The following SEM1 variants were observed in gnomAD, a reference collection of about 807,000 sequenced individuals.
The protein encoded by SEM1 is SEM1 26S proteasome subunit, also known as 26S proteasome complex subunit SEM1.
Under a neutral mutation model 12.7 loss-of-function variants are expected in SEM1, and 3 were observed. That is an observed-to-expected ratio of 0.24 (90% CI 0.11 to 0.61). The LOEUF is 0.61. Among genes scored for constraint, SEM1 ranks in the 20% least tolerant of loss-of-function variants. The probability of loss-of-function intolerance (pLI) is 0.88; values close to 1 mark genes in which losing one functional copy is unlikely to be tolerated. For missense variants in SEM1, 59 were observed against 81.3 expected (o/e 0.73, Z 1.06); for synonymous variants, 30 against 27.8 (o/e 1.08, Z -0.25).
intron 2 of SEM1, among the ~76,000 whole-genome samples, chr7:96,682,034 ATTTG>A (rs1340884280): frequency 6.6e-6 from 1 of 152,042 alleles, no homozygotes; most frequent in East Asian, 1.9e-4. Flanking sequence ...ATGTTTTTCC[ATTTG>A]TTTGTGTCCT....
intron 2 of SEM1, among the ~76,000 whole-genome samples, chr7:96,560,119 TATAA>T: frequency 6.6e-6 from 1 of 152,014 alleles, no homozygotes; most frequent in African/African-American, 2.4e-5. Context: ...AGATTCCTAT[TATAA>T]ATAGTTCCGC....
intron 2 of SEM1, among the ~76,000 whole-genome samples, chr7:96,571,383 A>C (rs1189877852): frequency 6.6e-6 from 1 of 151,942 alleles, no homozygotes; most frequent in Non-Finnish European, 1.5e-5. Context: ...TTTTTGTATA[A>C]TGTGTATGGA....
Position 96,583,153 on chromosome 7 carries a change from G to A in SEM1, c.171-76455C>T, listed in dbSNP as rs1252000718. Among the ~76,000 whole-genome samples, 58 of 150,958 alleles carry A rather than the reference G, an allele frequency of 3.8e-4. 1 individual carries two copies. Among genetic ancestry groups the A allele is most frequent in the South Asian group, 1.3e-3 (6 of 4,660 alleles). ...TACACACTGCTTTGAATGCGTCCCAGAGATTCTGGTATGTTGTGTCTTTGT... is the reference window on the plus strand; with the variant it reads ...TACACACTGCTTTGAATGCGTCCCAAAGATTCTGGTATGTTGTGTCTTTGT... On this transcript the variant is annotated intron_variant and NMD_transcript_variant, in intron 2 of 3. Coordinates refer to the SEM1 transcript ENST00000466986.
chr7:96,707,628 A>G (rs1215598275), intron 1 of SEM1, among the ~76,000 whole-genome samples: 1 of 151,498 alleles, frequency 6.6e-6, no homozygotes, highest in Non-Finnish European at 1.5e-5. Flanking sequence ...AGAAAGAATA[A>G]TTTTTTTTTG....
At chr7:96,631,907 A>G (rs1020862561) in intron 2 of SEM1, among the ~76,000 whole-genome samples, 1 of 152,226 alleles carries the variant, frequency 6.6e-6, no homozygotes, top group Non-Finnish European at 1.5e-5. Flanking sequence ...ATGAACAGAC[A>G]CTTCTCAAAA....
chr7:96,650,632 C>A, intron 2 of SEM1: 6 of 645,164 alleles, frequency 9.3e-6, no homozygotes, highest in South Asian at 7.1e-5. Flanking sequence ...TAAATGAAAC[C>A]CCCCAAGTTC....
chr7:96,573,528 C>T (rs1806107570), intron 2 of SEM1, among the ~76,000 whole-genome samples: 1 of 152,126 alleles, frequency 6.6e-6, no homozygotes, highest in South Asian at 2.1e-4. Context: ...ACTTATGAAA[C>T]TTAGTTTGGC....
chr7:96,560,112 T>C (rs1563060855), intron 2 of SEM1, among the ~76,000 whole-genome samples: 2 of 152,218 alleles, frequency 1.3e-5, no homozygotes, highest in African/African-American at 4.8e-5. Context: ...TTGCTTCAGA[T>C]TCCTATTATA....
At chr7:96,702,841 C>T (rs960635215) in intron 1 of SEM1, among the ~76,000 whole-genome samples, 3 of 152,116 alleles carry the variant, frequency 2.0e-5, no homozygotes, top group Non-Finnish European at 4.4e-5. Flanking sequence ...AACAGAGCAC[C>T]AGGACTACAA....
intron 2 of SEM1, among the ~76,000 whole-genome samples, chr7:96,624,578 A>T (rs1807999393): frequency 6.6e-6 from 1 of 152,204 alleles, no homozygotes; most frequent in African/African-American, 2.4e-5. Context: ...TATGAGAATG[A>T]AATGAAATAA....
rs139954888 is a variant in SEM1, at chr7:96,674,246, T to C, written c.171-387A>G. ...CACCACAGATCTATAATTATGGTCA[T>C]CTAGGCTTTACTTACCAACAAAATA... On this transcript the variant is annotated intron_variant, in intron 2 of 2. Transcript: ENST00000413065. 5.4e-3 allele frequency among the ~76,000 whole-genome samples: 826 copies of C among 152,314 alleles called. 5 individuals are homozygous for C. The highest frequency in any genetic ancestry group is 0.019 in the African/African-American group (770 of 41,558).
chr7:96,589,003 T>C (rs574545551), intron 2 of SEM1, among the ~76,000 whole-genome samples: 83 of 152,332 alleles, frequency 5.4e-4, no homozygotes, highest in African/African-American at 1.9e-3. Flanking sequence ...AACTACAGTA[T>C]TTTTCTAATG....
chr7:96,680,649 A>C (rs1278207005), intron 2 of SEM1, among the ~76,000 whole-genome samples: 2 of 152,114 alleles, frequency 1.3e-5, no homozygotes, highest in Non-Finnish European at 1.5e-5. Context: ...GGTAACAAAG[A>C]GGGTAGGAGT....
chr7:96,581,035 G>A (rs1806383044), intron 2 of SEM1, among the ~76,000 whole-genome samples: 1 of 152,190 alleles, frequency 6.6e-6, no homozygotes, highest in Non-Finnish European at 1.5e-5. Flanking sequence ...TAGACATGAA[G>A]TCCTTGCCCA....
intron 1 of SEM1, among the ~76,000 whole-genome samples, chr7:96,701,674 GA>G (rs1563119982): frequency 6.6e-6 from 1 of 151,914 alleles, no homozygotes; most frequent in Non-Finnish European, 1.5e-5. Flanking sequence ...TAACAGCTCA[GA>G]GAAAAACATA....
At chr7:96,615,007 A>C (rs1403432018) in intron 2 of SEM1, among the ~76,000 whole-genome samples, 2 of 152,152 alleles carry the variant, frequency 1.3e-5, no homozygotes, top group Admixed American at 6.5e-5. Flanking sequence ...TTTTGTAAGT[A>C]AAGGATTGTA....
intron 2 of SEM1, among the ~76,000 whole-genome samples, chr7:96,660,742 C>T (rs988435559): frequency 6.6e-6 from 1 of 151,970 alleles, no homozygotes; most frequent in Non-Finnish European, 1.5e-5. Flanking sequence ...TAAGGAAATC[C>T]ATATTCAACA....
intron 2 of SEM1, among the ~76,000 whole-genome samples, chr7:96,633,647 T>A (rs1355009930): frequency 6.6e-6 from 1 of 152,144 alleles, no homozygotes; most frequent in East Asian, 1.9e-4. Flanking sequence ...GAAAGTTATG[T>A]CATTCTTAAT....
chr7:96,576,549 A>G (rs751197747), intron 2 of SEM1, among the ~76,000 whole-genome samples: 18 of 152,126 alleles, frequency 1.2e-4, no homozygotes, highest in Admixed American at 2.0e-4. Context: ...ATGGTTTACA[A>G]TGCTTACCTT....
Sources: allele counts gnomAD v4.1 joint callset (sites outside exome capture counted in the v4.1 genomes callset), GRCh38; gene constraint gnomAD v4.1.1; transcripts MANE v1.5; gene names NCBI Gene and HGNC (gene_info 2026-07-23, HGNC 2026-07-21).